KIAA1549: variants seen among roughly 807,000 people sequenced by gnomAD.
KIAA1549 encodes UPF0606 protein KIAA1549.
Under a neutral mutation model 156.4 loss-of-function variants are expected in KIAA1549, and 70 were observed. That is an observed-to-expected ratio of 0.45 (90% CI 0.37 to 0.55). The LOEUF (loss-of-function observed/expected upper bound fraction) is 0.55, where lower values mean the gene tolerates loss of function less well. Among genes scored for constraint, KIAA1549 ranks in the 20% least tolerant of loss-of-function variants. The pLI, the probability that KIAA1549 is intolerant of heterozygous loss-of-function variation, is 0.00. For missense variants in KIAA1549, 2,428 were observed against 2,540.9 expected (o/e 0.96, Z 0.96); for synonymous variants, 1,103 against 1,066.4 (o/e 1.03, Z -0.67).
chr7:138,904,798 C>T (rs780700182), intron 7 of KIAA1549, among the ~76,000 whole-genome samples: 1 of 152,030 alleles, frequency 6.6e-6, no homozygotes, highest in Non-Finnish European at 1.5e-5. Context: ...CTGCCCTGAA[C>T]TTGATGTATG....
intron 1 of KIAA1549, among the ~76,000 whole-genome samples, chr7:138,927,481 T>C (rs540207329): frequency 3.1e-4 from 47 of 152,250 alleles, no homozygotes; most frequent in African/African-American, 1.1e-3. Context: ...CTACTAAAAA[T>C]ACAAAAATTA....
chr7:138,954,672 G>A (rs902084473), intron 1 of KIAA1549, among the ~76,000 whole-genome samples: 1 of 152,070 alleles, frequency 6.6e-6, no homozygotes, highest in Non-Finnish European at 1.5e-5. Context: ...TCCGGATGTT[G>A]TCTCAGACCA....
intron 5 of KIAA1549, among the ~76,000 whole-genome samples, chr7:138,907,977 C>T (rs1212973730): frequency 2.0e-5 from 3 of 152,118 alleles, no homozygotes; most frequent in African/African-American, 7.2e-5. Flanking sequence ...TTGTCTCTGA[C>T]CACACACTGC....
intron 4 of KIAA1549, among the ~76,000 whole-genome samples, 170 bp downstream of exon 4, chr7:138,910,976 G>C (rs1449158439): frequency 1.3e-5 from 2 of 152,004 alleles, no homozygotes; most frequent in Non-Finnish European, 2.9e-5. Flanking sequence ...AGGCTACAGT[G>C]AGCTATAATC....
intron 10 of KIAA1549, among the ~76,000 whole-genome samples, chr7:138,882,252 A>C (rs533289430): frequency 6.6e-6 from 1 of 152,244 alleles, no homozygotes; most frequent in South Asian, 2.1e-4. Context: ...AGCAGTGAAC[A>C]TGGGAAGGAA....
Position 138,918,063 on chromosome 7 carries a change from A to T in KIAA1549, c.1563T>A (p.Val521=). The change falls in exon 2 of 20, where the codon GTT becomes GTA. Residue 521 remains valine, a synonymous_variant. Transcript: ENST00000422774. This position sits in a 1 kb window ranked among gnomAD's most constrained non-coding sequence, Gnocchi z 4.2. ...VDMSSVTTTQ[V]PPAHGRLSVP... is the part of the protein sequence containing the mutation. ...CAGAGAGGCGGCCGTGGGCAGGGGG[A>T]ACCTGTGTGGTTGTAACACTACTCA... 6.2e-7 allele frequency: 1 copy of T among 1,613,066 alleles called. No homozygotes were observed. The highest frequency in any genetic ancestry group is 8.5e-7 in the Non-Finnish European group (1 of 1,179,560).
At chr7:138,896,104 T>C (rs1406785124) in intron 9 of KIAA1549, among the ~76,000 whole-genome samples, 2 of 152,212 alleles carry the variant, frequency 1.3e-5, no homozygotes, top group African/African-American at 4.8e-5. Flanking sequence ...CTTCCTGTTA[T>C]ATAAATGGAT....
chr7:138,852,366 T>G (rs1275381464), intron 16 of KIAA1549, 97 bp from the exon 17 acceptor site: 1 of 776,584 alleles, frequency 1.3e-6, no homozygotes, highest in African/African-American at 1.8e-5. Flanking sequence ...GGATCAACTT[T>G]CAAGAGAATT....
intron 3 of KIAA1549, among the ~76,000 whole-genome samples, chr7:138,912,034 C>A (rs1199311652): frequency 6.6e-6 from 1 of 152,180 alleles, no homozygotes. Context: ...CTAATTTAAA[C>A]ACGAATCCAA....
At chr7:138,840,089 C>T (rs1402942017) in intron 19 of KIAA1549, 44 bp downstream of exon 19, 2 of 1,525,304 alleles carry the variant, frequency 1.3e-6, no homozygotes, top group African/African-American at 2.8e-5. Context: ...CGCACCTGGC[C>T]TATGTCTAAA....
At chr7:138,839,000 AT>A (rs1156825832) in intron 19 of KIAA1549, among the ~76,000 whole-genome samples, 1 of 152,142 alleles carries the variant, frequency 6.6e-6, no homozygotes, top group Non-Finnish European at 1.5e-5. Context: ...CCTTGCCTCC[AT>A]TTTTTCAAAA....
rs1249504295 is a variant in KIAA1549, at chr7:138,861,227, G to A, written c.5159C>T (p.Ala1720Val). The A allele has an allele frequency of 6.2e-7, 1 of 1,613,396 alleles. No individual in the cohort carries two copies. Among genetic ancestry groups the A allele is most frequent in the Admixed American group, 1.7e-5 (1 of 59,926 alleles). Residue 1720 changes from alanine to valine, a missense_variant, in exon 16 of 20, where the codon GCA becomes GTA. Physicochemically the swap from Ala to Val is moderately conservative, Grantham distance 64. Around this residue, in one of 5 missense-constraint regions of KIAA1549, gnomAD observed 363 missense variants for 354.0 expected, o/e 1.03. Transcript: ENST00000422774. Reference protein sequence around the residue: ...VGPGVPPGLPANSTPSQEERR... With the variant: ...VGPGVPPGLPVNSTPSQEERR... ...CTCTTCCTGGGAAGGGGTGCTGTTT[G>A]CGGGCAGGCCGGGTGGGACTCCGGG...
intron 1 of KIAA1549, among the ~76,000 whole-genome samples, chr7:138,961,439 C>A (rs1193149551): frequency 1.3e-5 from 2 of 152,008 alleles, no homozygotes; most frequent in African/African-American, 4.8e-5. Flanking sequence ...GGATCGGCCC[C>A]ATGATGCGCT....
intron 1 of KIAA1549, among the ~76,000 whole-genome samples, chr7:138,920,236 T>C (rs753845724): frequency 6.6e-6 from 1 of 152,174 alleles, no homozygotes; most frequent in African/African-American, 2.4e-5. Flanking sequence ...GCTCTCTATA[T>C]GGATGGCTCC....
intron 15 of KIAA1549, among the ~76,000 whole-genome samples, chr7:138,864,750 C>A (rs937078019): frequency 1.3e-5 from 2 of 152,108 alleles, no homozygotes; most frequent in Non-Finnish European, 2.9e-5. Flanking sequence ...TAGAACACCC[C>A]CTTACACTTC....
intron 18 of KIAA1549, among the ~76,000 whole-genome samples, chr7:138,842,861 C>T (rs1303820865): frequency 2.0e-5 from 3 of 152,166 alleles, no homozygotes; most frequent in African/African-American, 7.2e-5. Flanking sequence ...CAAGGATGCC[C>T]TTACTACTGA....
chr7:138,880,671 T>A (rs1368513971), intron 11 of KIAA1549, among the ~76,000 whole-genome samples: 1 of 152,140 alleles, frequency 6.6e-6, no homozygotes, highest in Non-Finnish European at 1.5e-5. Context: ...TGATGGAAAG[T>A]CAACTTAATA....
At chr7:138,978,398 T>C (rs1383685454) in intron 1 of KIAA1549, among the ~76,000 whole-genome samples, 1 of 152,208 alleles carries the variant, frequency 6.6e-6, no homozygotes, top group African/African-American at 2.4e-5. Context: ...GGCTAATCAC[T>C]TAAGAGCAAT....
At chr7:138,907,503 C>G (rs1226952776) in intron 5 of KIAA1549, among the ~76,000 whole-genome samples, 1 of 152,178 alleles carries the variant, frequency 6.6e-6, no homozygotes, top group African/African-American at 2.4e-5. Flanking sequence ...CCAAAACATA[C>G]ACAAGCATGG....
Sources: gnomAD v4.1 joint callset for allele counts (sites outside exome capture counted in the v4.1 genomes callset) on GRCh38, gnomAD v4.1.1 for gene constraint, gnomAD v4.1.1 regional missense constraint, Gnocchi (gnomAD v3.1) non-coding constraint, MANE v1.5 for transcripts, NCBI Gene and HGNC (gene_info 2026-07-23, HGNC 2026-07-21) for gene names.